UBE3A: variants seen among roughly 807,000 people sequenced by gnomAD.
UBE3A encodes the protein ubiquitin-protein ligase E3A.
Under a neutral mutation model 83.4 loss-of-function variants are expected in UBE3A, and 6 were observed. That is an observed-to-expected ratio of 0.07 (90% CI 0.04 to 0.14). The LOEUF (loss-of-function observed/expected upper bound fraction) is 0.14, where lower values mean the gene tolerates loss of function less well. UBE3A is among the 10% of genes least tolerant of loss of function. UBE3A has a pLI of 1.00. For missense variants in UBE3A, 456 were observed against 1,036.1 expected (o/e 0.44, Z 7.69); for synonymous variants, 337 against 355.4 (o/e 0.95, Z 0.58).
chr15:25,412,339 T>A (rs1009037436), intron 1 of UBE3A, among the ~76,000 whole-genome samples: 1 of 152,244 alleles, frequency 6.6e-6, no homozygotes. Flanking sequence ...TTAAATTCTA[T>A]ATGCTAAGCA....
At position 25,408,611 on chromosome 15, in the gene UBE3A, G is replaced by C. The variant is rs777237357; in HGVS notation, c.20+477C>G. 3 of 1,613,720 alleles carry C rather than the reference G, an allele frequency of 1.9e-6. No homozygotes were observed. The African/African-American group carries it at 4.0e-5, about 22-fold the overall frequency. The stretch of plus-strand genomic sequence containing the variant: ...CAGCATGAGCTAGCAAATTCAAATG[G>C]TGGCTCACTTCCAATAACACTGGTG... On this transcript the variant is annotated intron_variant, in intron 3 of 12. Transcript: ENST00000648336.
At chr15:25,398,223 T>C (rs1219250469) in intron 4 of UBE3A, among the ~76,000 whole-genome samples, 1 of 151,072 alleles carries the variant, frequency 6.6e-6, no homozygotes, top group East Asian at 1.9e-4. Context: ...TACATATTTA[T>C]TGTATTCACA....
chr15:25,392,906 A>G (rs2084741701), intron 4 of UBE3A, among the ~76,000 whole-genome samples: 1 of 152,188 alleles, frequency 6.6e-6, no homozygotes, highest in African/African-American at 2.4e-5. Context: ...CCAAAAGAGG[A>G]GTAATCTAAT....
chr15:25,339,287 A>G, intron 12 of UBE3A, 30 bp from the exon 13 acceptor site: 2 of 1,608,434 alleles, frequency 1.2e-6, no homozygotes, highest in Non-Finnish European at 1.7e-6. Flanking sequence ...AAAAAACAGG[A>G]AAACTGTAAG....
intron 11 of UBE3A, among the ~76,000 whole-genome samples, chr15:25,349,185 A>C (rs974914171): frequency 6.6e-6 from 1 of 152,242 alleles, no homozygotes; most frequent in Non-Finnish European, 1.5e-5. Flanking sequence ...AAGTCTCTTT[A>C]ACAAATGGTA....
intron 11 of UBE3A, among the ~76,000 whole-genome samples, chr15:25,343,754 TCTC>T (rs946377789): frequency 6.6e-6 from 1 of 152,054 alleles, no homozygotes; most frequent in African/African-American, 2.4e-5. Context: ...AAAGGACTAA[TCTC>T]CTTAACATAT....
At chr15:25,351,754 G>A (rs1020183365) in intron 11 of UBE3A, among the ~76,000 whole-genome samples, 2 of 152,202 alleles carry the variant, frequency 1.3e-5, no homozygotes, top group Non-Finnish European at 2.9e-5. Context: ...TTCAGGTGCT[G>A]AAAAAGCTCT....
chr15:25,386,140 G>T (rs1247639451), intron 4 of UBE3A, among the ~76,000 whole-genome samples: 1 of 152,082 alleles, frequency 6.6e-6, no homozygotes, highest in Non-Finnish European at 1.5e-5. Context: ...AGGGAATGAG[G>T]GAGGGGTGGG....
rs1259986251 is a variant in UBE3A, at chr15:25,339,023, G to A, written c.*114C>T. The A allele has an allele frequency of 8.1e-7, 1 of 1,236,586 alleles. No homozygotes were observed. The highest frequency in any genetic ancestry group is 1.1e-6 in the Non-Finnish European group (1 of 933,124). The allele number at this position is 1,236,586 out of a possible 1,614,324, so 76.6% of individuals were successfully genotyped here. The stretch of plus-strand genomic sequence containing the variant: ...TGGTTGACTATCTTACAGCCTTTTT[G>A]TACTGGGACACTATCACCACCAAAA... On this transcript the variant is annotated 3_prime_UTR_variant, in exon 13 of 13. Transcript: ENST00000648336.
intron 4 of UBE3A, among the ~76,000 whole-genome samples, chr15:25,398,875 T>C (rs2086397171): frequency 6.8e-6 from 1 of 146,268 alleles, no homozygotes; most frequent in African/African-American, 2.5e-5. Context: ...TTTTTTAATT[T>C]CTGAGCAAAC....
In UBE3A at chr15:25,370,914, A is replaced by C; in HGVS notation, c.1260T>G (p.Pro420=). The C allele has an allele frequency of 6.2e-7, 1 of 1,614,080 alleles. No individual in the cohort carries two copies. The highest frequency in any genetic ancestry group is 8.5e-7 in the Non-Finnish European group (1 of 1,179,994). The change falls in exon 6 of 13, where the codon CCT becomes CCG. Residue 420 remains proline (P), a synonymous_variant. Coordinates refer to ENST00000648336, the MANE Select transcript of UBE3A (RefSeq NM_130839.5). The surrounding 1 kb of genome is among the most constrained non-coding windows in gnomAD (Gnocchi z 4.2). ...GTTCAGTTTCCAGGGGGTCCACTCGAGGACCTTTCTTGTTTCTTCTTTCTT... is the reference window on the plus strand; with the variant it reads ...GTTCAGTTTCCAGGGGGTCCACTCGCGGACCTTTCTTGTTTCTTCTTTCTT... ...LGEERRNKKG[P]RVDPLETELG...
intron 4 of UBE3A, among the ~76,000 whole-genome samples, chr15:25,382,308 G>A (rs1197674217): frequency 2.1e-4 from 31 of 150,350 alleles, no homozygotes; most frequent in East Asian, 1.8e-3. Flanking sequence ...GCAAAAGAGC[G>A]AGACTCTGTC....
chr15:25,382,320 CAA>C (rs1033359160), intron 4 of UBE3A, among the ~76,000 whole-genome samples: 2 of 103,580 alleles, frequency 1.9e-5, no homozygotes, highest in African/African-American at 3.6e-5. Flanking sequence ...GACTCTGTCT[CAA>C]AAAAAAAAAA....
chr15:25,397,867 A>T (rs1470664976), intron 4 of UBE3A, among the ~76,000 whole-genome samples: 1 of 152,058 alleles, frequency 6.6e-6, no homozygotes, highest in Non-Finnish European at 1.5e-5. Context: ...TAGGCCCCCA[A>T]AATATTTGCC....
At chr15:25,402,279 T>G (rs548078413) in intron 4 of UBE3A, among the ~76,000 whole-genome samples, 44 of 152,284 alleles carry the variant, frequency 2.9e-4, no homozygotes, top group Admixed American at 1.9e-3. Context: ...GCAGGGTAGG[T>G]CCTGGAGCCT....
chr15:25,415,698 ATTATG>A (rs1158224651), intron 1 of UBE3A: 1 of 152,048 alleles, frequency 6.6e-6, no homozygotes, highest in Non-Finnish European at 1.5e-5. Context: ...CCTTATATTT[ATTATG>A]TTATACCTTA....
At chr15:25,402,250 T>A (rs1356731637) in intron 4 of UBE3A, among the ~76,000 whole-genome samples, 1 of 152,208 alleles carries the variant, frequency 6.6e-6, no homozygotes, top group Non-Finnish European at 1.5e-5. Context: ...CTACCGGGGC[T>A]GGCCTGGAGT....
At chr15:25,398,583 C>T (rs1465715527) in intron 4 of UBE3A, among the ~76,000 whole-genome samples, 1 of 151,656 alleles carries the variant, frequency 6.6e-6, no homozygotes, top group Non-Finnish European at 1.5e-5. Context: ...CCTCCAGGTT[C>T]ATCCCTGCTG....
chr15:25,411,594 ACAACAG>A (rs961986368), intron 2 of UBE3A, among the ~76,000 whole-genome samples: 6 of 151,884 alleles, frequency 4.0e-5, no homozygotes, highest in African/African-American at 1.5e-4. Flanking sequence ...TGTCTCAAAA[ACAACAG>A]CAGCAGCAGC....
Sources: gnomAD v4.1 joint callset for allele counts (sites outside exome capture counted in the v4.1 genomes callset) on GRCh38, gnomAD v4.1.1 for gene constraint, Gnocchi (gnomAD v3.1) non-coding constraint, MANE v1.5 for transcripts, NCBI Gene and HGNC (gene_info 2026-07-23, HGNC 2026-07-21) for gene names.